The following ARHGEF10L variants were observed in gnomAD, a reference collection of about 807,000 sequenced individuals.
ARHGEF10L encodes Rho guanine nucleotide exchange factor 10 like, also known as rho guanine nucleotide exchange factor 10-like protein.
A neutral mutation model predicts 141.2 loss-of-function variants in ARHGEF10L; 69 were observed. That is an observed-to-expected ratio of 0.49 (90% CI 0.40 to 0.60). ARHGEF10L has a LOEUF of 0.60. ARHGEF10L is among the 20% of genes least tolerant of loss of function. The pLI, the probability that ARHGEF10L is intolerant of heterozygous loss-of-function variation, is 0.00. For missense variants in ARHGEF10L, 1,482 were observed against 1,734.3 expected (o/e 0.85, Z 2.58); for synonymous variants, 711 against 718.5 (o/e 0.99, Z 0.17).
At chr1:17,523,196 C>T in the ARHGEF10L span, among the ~76,000 whole-genome samples, 3 of 149,780 alleles carry the variant, frequency 2.0e-5, no homozygotes, top group East Asian at 6.0e-4. Flanking sequence ...AGTGATTATC[C>T]TGCCTCAGCC....
chr1:17,653,332 C>T (rs2062039052), intron 22 of ARHGEF10L, among the ~76,000 whole-genome samples: 1 of 152,230 alleles, frequency 6.6e-6, no homozygotes, highest in South Asian at 2.1e-4. Flanking sequence ...TTTCCTGGCA[C>T]AGGCAAGACA....
chr1:17,580,964 G>A (rs1278269711), intron 2 of ARHGEF10L, among the ~76,000 whole-genome samples: 1 of 152,060 alleles, frequency 6.6e-6, no homozygotes, highest in Non-Finnish European at 1.5e-5. Flanking sequence ...TGCGCCATAG[G>A]GTCAGGCCGT....
intron 4 of ARHGEF10L, among the ~76,000 whole-genome samples, chr1:17,600,215 C>T (rs2080505877): frequency 6.6e-6 from 1 of 152,216 alleles, no homozygotes; most frequent in Admixed American, 6.5e-5. Flanking sequence ...ACAGGAGGTG[C>T]TCAACAGCAG....
chr1:17,662,363 C>T (rs554982682), intron 25 of ARHGEF10L, among the ~76,000 whole-genome samples: 6 of 152,272 alleles, frequency 3.9e-5, no homozygotes, highest in South Asian at 2.1e-4. Context: ...GAAGGGCAGG[C>T]GTGGTTATCA....
At chr1:17,632,820 T>G (rs1007745851) in intron 16 of ARHGEF10L, among the ~76,000 whole-genome samples, 2 of 152,188 alleles carry the variant, frequency 1.3e-5, no homozygotes, top group African/African-American at 4.8e-5. Flanking sequence ...TTAACTCAAA[T>G]CTGTTTTGCT....
chr1:17,641,402 C>T (rs1392976026), intron 21 of ARHGEF10L, among the ~76,000 whole-genome samples: 4 of 152,020 alleles, frequency 2.6e-5, no homozygotes, highest in East Asian at 3.9e-4. Flanking sequence ...GAGGCTGAGG[C>T]GGGTGGATCA....
rs866872951 is a variant in ARHGEF10L, at chr1:17,683,313, G to A, written c.3010-4260G>A. Among the ~76,000 whole-genome samples, 20 of 93,972 alleles carry A rather than the reference G, an allele frequency of 2.1e-4. 2 individuals are homozygous for A. The highest frequency in any genetic ancestry group is 8.8e-4 in the African/African-American group (20 of 22,718). 61.6% of individuals were successfully genotyped at this position (93,972 alleles called of 152,430 possible). On this transcript the variant is annotated intron_variant, in intron 26 of 28. Coordinates refer to ENST00000361221, the MANE Select transcript of ARHGEF10L (RefSeq NM_018125.4). ...TGCTCACTGCCCCCTGCTCTCACCCGGGTGCTCACTGCCCCCTGCTCTCAC... is the reference window on the plus strand; with the variant it reads ...TGCTCACTGCCCCCTGCTCTCACCCAGGTGCTCACTGCCCCCTGCTCTCAC...
At chr1:17,622,354 C>CT (rs1025831309) in intron 11 of ARHGEF10L, among the ~76,000 whole-genome samples, 1 of 152,030 alleles carries the variant, frequency 6.6e-6, no homozygotes, top group African/African-American at 2.4e-5. Flanking sequence ...ATCGAGTCCT[C>CT]TTTTTTGCAT....
intron 9 of ARHGEF10L, 141 bp downstream of exon 9, chr1:17,616,343 G>C (rs1192084718): frequency 2.8e-6 from 2 of 704,950 alleles, no homozygotes; most frequent in Admixed American, 5.0e-5. Context: ...GGGGGTTGGG[G>C]GCTGAGTCCC....
chr1:17,635,935 A>G (rs2060972399), intron 18 of ARHGEF10L, among the ~76,000 whole-genome samples: 1 of 152,122 alleles, frequency 6.6e-6, no homozygotes, highest in Non-Finnish European at 1.5e-5. Flanking sequence ...TGGGCCACCC[A>G]CAATTCTGGA....
intron 27 of ARHGEF10L, among the ~76,000 whole-genome samples, chr1:17,689,091 G>A (rs567198620): frequency 7.9e-5 from 12 of 152,246 alleles, no homozygotes; most frequent in African/African-American, 2.7e-4. Flanking sequence ...TGGTTCAGCA[G>A]GCCGGGCGTC....
chr1:17,678,198 G>T (rs891155346), intron 26 of ARHGEF10L, among the ~76,000 whole-genome samples: 2 of 152,194 alleles, frequency 1.3e-5, no homozygotes, highest in Admixed American at 1.3e-4. Flanking sequence ...TCGCAGCAAA[G>T]GTGGTTGCTG....
chr1:17,695,103 G>A (rs781502241), intron 27 of ARHGEF10L, 55 bp from the exon 28 acceptor site: 6 of 1,608,480 alleles, frequency 3.7e-6, no homozygotes, highest in East Asian at 2.2e-5. Context: ...GTGGTACCCA[G>A]AGCCCATGCT....
intron 25 of ARHGEF10L, among the ~76,000 whole-genome samples, chr1:17,661,151 C>T (rs2062600063): frequency 6.6e-6 from 1 of 152,098 alleles, no homozygotes; most frequent in African/African-American, 2.4e-5. Flanking sequence ...AGTGGCACTC[C>T]ACTGCAACCT....
chr1:17,642,852 A>C (rs1305951449), intron 21 of ARHGEF10L, among the ~76,000 whole-genome samples: 2 of 152,144 alleles, frequency 1.3e-5, no homozygotes, highest in Admixed American at 1.3e-4. Context: ...CATCCTGAGA[A>C]GTGCCCGAGC....
intron 7 of ARHGEF10L, among the ~76,000 whole-genome samples, chr1:17,611,961 G>T (rs988390591): frequency 6.6e-6 from 1 of 150,692 alleles, no homozygotes; most frequent in Non-Finnish European, 1.5e-5. Flanking sequence ...CCATCTACCT[G>T]TTCTCCCATC....
chr1:17,556,815 G>A (rs2077345199), intron 1 of ARHGEF10L, among the ~76,000 whole-genome samples: 1 of 152,198 alleles, frequency 6.6e-6, no homozygotes. Context: ...TGACTCTGAA[G>A]TCAGTAGTTC....
At chr1:17,599,730 GCTGC>G (rs1342814283) in intron 4 of ARHGEF10L, among the ~76,000 whole-genome samples, 1 of 152,182 alleles carries the variant, frequency 6.6e-6, no homozygotes, top group Non-Finnish European at 1.5e-5. Context: ...GACCAAATGT[GCTGC>G]CTTCCTTGCC....
the ARHGEF10L span, among the ~76,000 whole-genome samples, chr1:17,518,590 G>T: frequency 6.6e-6 from 1 of 151,916 alleles, no homozygotes; most frequent in Non-Finnish European, 1.5e-5. Context: ...TCAGGAGTTT[G>T]AGACCAGCCT....
Sources: allele counts gnomAD v4.1 joint callset (sites outside exome capture counted in the v4.1 genomes callset), GRCh38; gene constraint gnomAD v4.1.1; transcripts MANE v1.5; gene names NCBI Gene and HGNC (gene_info 2026-07-23, HGNC 2026-07-21).